FOXN3: variants seen among roughly 807,000 people sequenced by gnomAD.
FOXN3 encodes forkhead box N3, also known as forkhead box protein N3.
A neutral mutation model predicts 38.4 loss-of-function variants in FOXN3; 7 were observed. The ratio of observed to expected loss-of-function variants is 0.18; its 90% CI spans 0.10 to 0.34. The LOEUF (loss-of-function observed/expected upper bound fraction) is 0.34. Ranked by LOEUF, FOXN3 falls within the 10% of genes least tolerant of loss-of-function variation. FOXN3 has a pLI of 1.00. For missense variants in FOXN3, 456 were observed against 613.4 expected, an observed-to-expected ratio of 0.74 and a Z score of 2.71; for synonymous variants, 230 against 242.2, an observed-to-expected ratio of 0.95 and a Z score of 0.47.
chr14:89,473,780 T>G (rs1303259217), intron 1 of FOXN3, among the ~76,000 whole-genome samples: 2 of 152,230 alleles, frequency 1.3e-5, no homozygotes, highest in Non-Finnish European at 2.9e-5. Context: ...AAACTCCAGA[T>G]GTTCTTTGAA....
chr14:89,612,723 G>C (rs900915308), intron 1 of FOXN3, among the ~76,000 whole-genome samples: 19 of 152,026 alleles, frequency 1.2e-4, no homozygotes, highest in South Asian at 2.1e-4. Flanking sequence ...GAGCCCAAGA[G>C]TTCGAGGCTG....
intron 1 of FOXN3, among the ~76,000 whole-genome samples, chr14:89,536,687 A>G (rs1046145862): frequency 1.3e-5 from 2 of 152,150 alleles, no homozygotes; most frequent in Non-Finnish European, 2.9e-5. Flanking sequence ...CTGAGGCAGG[A>G]GAATCGCTTG....
intron 1 of FOXN3, among the ~76,000 whole-genome samples, chr14:89,485,427 C>G (rs1893427161): frequency 6.6e-6 from 1 of 152,204 alleles, no homozygotes; most frequent in Non-Finnish European, 1.5e-5. Context: ...CTCCACTTCT[C>G]AGAATCGCCC....
chr14:89,589,091 G>A (rs575765330), intron 1 of FOXN3, among the ~76,000 whole-genome samples: 3 of 151,946 alleles, frequency 2.0e-5, no homozygotes, highest in South Asian at 4.1e-4. Flanking sequence ...AGTCAAGGTC[G>A]GGAAACATCT....
At chr14:89,329,050 T>C in intron 3 of FOXN3, among the ~76,000 whole-genome samples, 1 of 152,168 alleles carries the variant, frequency 6.6e-6, no homozygotes. Context: ...CGGCCTGCCA[T>C]CTGGGAAATA....
intron 3 of FOXN3, among the ~76,000 whole-genome samples, chr14:89,300,883 G>A (rs1049769958): frequency 3.3e-5 from 5 of 152,254 alleles, no homozygotes; most frequent in South Asian, 2.1e-4. Flanking sequence ...TGCAACCTCC[G>A]CCTCCAAGGT....
intron 4 of FOXN3, among the ~76,000 whole-genome samples, chr14:89,238,214 C>G (rs1384371964): frequency 6.6e-6 from 1 of 152,206 alleles, no homozygotes; most frequent in Non-Finnish European, 1.5e-5. Flanking sequence ...GTTGCTGGAA[C>G]CTCCCCTTGA....
intron 3 of FOXN3, among the ~76,000 whole-genome samples, chr14:89,347,349 G>A (rs1159550037): frequency 6.6e-6 from 1 of 152,168 alleles, no homozygotes; most frequent in Non-Finnish European, 1.5e-5. Context: ...AAATCAGAGT[G>A]ATGTTTCGAC....
At chr14:89,333,534 C>G (rs1236896429) in intron 3 of FOXN3, among the ~76,000 whole-genome samples, 1 of 151,344 alleles carries the variant, frequency 6.6e-6, no homozygotes, top group Non-Finnish European at 1.5e-5. Flanking sequence ...CCAGCACTTG[C>G]AGATCACCTG....
chr14:89,435,748 T>G (rs1892261863), intron 1 of FOXN3, among the ~76,000 whole-genome samples: 2 of 152,352 alleles, frequency 1.3e-5, no homozygotes, highest in African/African-American at 4.8e-5. Context: ...AGAGTGACTC[T>G]GGCTTCTGCC....
chr14:89,313,472 C>T (rs1444080438), intron 3 of FOXN3, among the ~76,000 whole-genome samples: 1 of 151,666 alleles, frequency 6.6e-6, no homozygotes. Flanking sequence ...GCAGGGGAAT[C>T]GCTTGAACCT....
chr14:89,165,391 TGTG>T (rs915046355), intron 5 of FOXN3, among the ~76,000 whole-genome samples: 8 of 152,216 alleles, frequency 5.3e-5, no homozygotes, highest in African/African-American at 1.9e-4. Flanking sequence ...GTTTTTTACT[TGTG>T]GTCCGATTCC....
intron 1 of FOXN3, among the ~76,000 whole-genome samples, chr14:89,598,858 G>C (rs898136621): frequency 6.6e-6 from 1 of 152,028 alleles, no homozygotes; most frequent in African/African-American, 2.4e-5. Flanking sequence ...CGTTAGCTTT[G>C]TTATCAGAAA....
intron 1 of FOXN3, among the ~76,000 whole-genome samples, chr14:89,502,116 C>T (rs1222524176): frequency 6.6e-6 from 1 of 152,140 alleles, no homozygotes; most frequent in African/African-American, 2.4e-5. Flanking sequence ...TGCAGTGAGC[C>T]TAGATCCCAC....
intron 2 of FOXN3, among the ~76,000 whole-genome samples, chr14:89,381,014 T>C (rs571302620): frequency 2.6e-5 from 4 of 151,840 alleles, no homozygotes; most frequent in Non-Finnish European, 5.9e-5. Flanking sequence ...TGGTGGCGTG[T>C]GCCCATAATC....
intron 1 of FOXN3, among the ~76,000 whole-genome samples, chr14:89,500,998 A>T (rs145424806): frequency 6.6e-6 from 1 of 152,358 alleles, no homozygotes; most frequent in African/African-American, 2.4e-5. Flanking sequence ...CTCAGCATGC[A>T]TGAACTCCCT....
intron 1 of FOXN3, among the ~76,000 whole-genome samples, chr14:89,467,459 G>A (rs958745178): frequency 2.0e-5 from 3 of 151,132 alleles, no homozygotes; most frequent in African/African-American, 7.3e-5. Context: ...TTTAAATGCC[G>A]AAAAATTAAA....
intron 1 of FOXN3, among the ~76,000 whole-genome samples, chr14:89,604,247 GCA>G (rs985642655): frequency 1.3e-4 from 16 of 126,938 alleles, no homozygotes; most frequent in South Asian, 5.1e-4. Context: ...ACACGTGCGC[GCA>G]CACACACGCG....
chr14:89,595,337 GAAGT>G (rs1338445599), intron 1 of FOXN3, among the ~76,000 whole-genome samples: 24 of 151,082 alleles, frequency 1.6e-4, no homozygotes, highest in Non-Finnish European at 3.0e-5. Context: ...AAAAAAAAAA[GAAGT>G]AAGTCTTCCA....
Sources: allele counts gnomAD v4.1 joint callset (sites outside exome capture counted in the v4.1 genomes callset), GRCh38; gene constraint gnomAD v4.1.1; transcripts MANE v1.5; gene names NCBI Gene and HGNC (gene_info 2026-07-23, HGNC 2026-07-21).